The following POU2F1 variants were observed in gnomAD, a reference collection of about 807,000 sequenced individuals.
POU2F1 encodes POU domain, class 2, transcription factor 1.
In POU2F1, 16 loss-of-function variants were observed where a neutral mutation model predicts 84.9. The ratio of observed to expected loss-of-function variants is 0.19; its 90% confidence interval spans 0.13 to 0.29. POU2F1 has a LOEUF of 0.29. POU2F1 is among the 10% of genes least tolerant of loss of function. POU2F1 has a pLI of 1.00. For synonymous variants in POU2F1, 368 were observed against 368.3 expected, an observed-to-expected ratio of 1.00 and a Z score of 0.01; for missense variants, 738 against 942.6, an observed-to-expected ratio of 0.78 and a Z score of 2.84.
At chr1:167,385,639 A>G (rs1647918777) in intron 8 of POU2F1, among the ~76,000 whole-genome samples, 2 of 152,208 alleles carry the variant, frequency 1.3e-5, no homozygotes, top group Non-Finnish European at 2.9e-5. Flanking sequence ...ATTTCACACC[A>G]TGTACAAAGA....
chr1:167,271,155 T>G (rs1284940672), intron 1 of POU2F1, among the ~76,000 whole-genome samples: 1 of 152,216 alleles, frequency 6.6e-6, no homozygotes, highest in East Asian at 1.9e-4. Context: ...CTTAAAACAT[T>G]TTCGGTTATT....
chr1:167,343,578 G>T (rs1168099470), intron 2 of POU2F1, among the ~76,000 whole-genome samples: 4 of 141,994 alleles, frequency 2.8e-5, no homozygotes. Flanking sequence ...CTTTCAATTA[G>T]ATCCATTATA....
At chr1:167,242,420 A>G (rs1649979267) in intron 1 of POU2F1, among the ~76,000 whole-genome samples, 1 of 152,244 alleles carries the variant, frequency 6.6e-6, no homozygotes, top group South Asian at 2.1e-4. Context: ...GCAAAGCTAT[A>G]AAAGCTGGTA....
chr1:167,378,107 T>G (rs1660450879), intron 7 of POU2F1, among the ~76,000 whole-genome samples: 1 of 152,250 alleles, frequency 6.6e-6, no homozygotes, highest in Admixed American at 6.5e-5. Flanking sequence ...TTCTAAGTTC[T>G]TTGAGAAATC....
intron 1 of POU2F1, among the ~76,000 whole-genome samples, chr1:167,308,680 A>G (rs1211192317): frequency 6.6e-6 from 1 of 151,982 alleles, no homozygotes; most frequent in Non-Finnish European, 1.5e-5. Context: ...TGCATGCCAC[A>G]ACACCTGGCT....
chr1:167,375,386 A>G (rs1474725573), intron 6 of POU2F1, among the ~76,000 whole-genome samples: 1 of 152,252 alleles, frequency 6.6e-6, no homozygotes, highest in African/African-American at 2.4e-5. Flanking sequence ...GAGACCCTAT[A>G]TTAACATTAG....
chr1:167,407,048 T>C (rs1315362214), intron 13 of POU2F1, among the ~76,000 whole-genome samples: 9 of 151,354 alleles, frequency 5.9e-5, no homozygotes, highest in African/African-American at 2.2e-4. Flanking sequence ...TTTATTATTA[T>C]TATTATTTGT....
At position 167,418,585 on chromosome 1, in the gene POU2F1, A is replaced by G. The variant is rs1650450777; in HGVS notation, c.*2775A>G. Reference sequence around the variant, plus strand: ...CATTAATTTCTCAAAATTGCTACCAAAGGAAGTGTGGAGTCCCAAGGGACT... The same window carrying G: ...CATTAATTTCTCAAAATTGCTACCAGAGGAAGTGTGGAGTCCCAAGGGACT... On this transcript the variant is annotated 3_prime_UTR_variant, in exon 16 of 16. Coordinates refer to ENST00000367866, the MANE Select transcript of POU2F1 (RefSeq NM_002697.4). The G allele has an allele frequency of 6.6e-6, 1 of 152,186 alleles. No individual in the cohort carries two copies. The highest frequency in any genetic ancestry group is 1.5e-5 in the Non-Finnish European group (1 of 68,024). The allele number at this position is 152,186 out of a possible 1,614,324, so 9.4% of individuals were successfully genotyped here.
At chr1:167,274,020 T>G (rs1557861525) in intron 1 of POU2F1, among the ~76,000 whole-genome samples, 1 of 152,254 alleles carries the variant, frequency 6.6e-6, no homozygotes, top group Non-Finnish European at 1.5e-5. Flanking sequence ...AGCAAACTCT[T>G]GATTTATTCT....
intron 1 of POU2F1, among the ~76,000 whole-genome samples, chr1:167,304,958 GGCCT>G (rs1397524965): frequency 6.6e-6 from 1 of 152,134 alleles, no homozygotes; most frequent in African/African-American, 2.4e-5. Context: ...ACATCTGACT[GGCCT>G]GGGGGTAAAT....
At chr1:167,321,269 G>A (rs1211582780) in intron 1 of POU2F1, among the ~76,000 whole-genome samples, 1 of 152,132 alleles carries the variant, frequency 6.6e-6, no homozygotes, top group African/African-American at 2.4e-5. Context: ...AACATGCCTT[G>A]TGGCAACACT....
intron 1 of POU2F1, among the ~76,000 whole-genome samples, chr1:167,236,674 A>T (rs555502657): frequency 6.6e-6 from 1 of 152,254 alleles, no homozygotes; most frequent in South Asian, 2.1e-4. Flanking sequence ...TCTACCTGTT[A>T]GTCACATGCT....
At chr1:167,237,418 C>G (rs990060636) in intron 1 of POU2F1, among the ~76,000 whole-genome samples, 2 of 152,032 alleles carry the variant, frequency 1.3e-5, no homozygotes, top group Non-Finnish European at 2.9e-5. Context: ...CCCTGTTGGT[C>G]TTGTTTGTTG....
chr1:167,385,384 G>T (rs1040901468), intron 8 of POU2F1, among the ~76,000 whole-genome samples: 1 of 152,030 alleles, frequency 6.6e-6, no homozygotes, highest in Non-Finnish European at 1.5e-5. Flanking sequence ...AAACGATTTT[G>T]AGAAGAAAAT....
chr1:167,325,814 AGAAG>A (rs1276791368), intron 1 of POU2F1, among the ~76,000 whole-genome samples: 2 of 151,696 alleles, frequency 1.3e-5, no homozygotes, highest in African/African-American at 4.8e-5. Flanking sequence ...GCTTGAAACT[AGAAG>A]GCAGAGGTTG....
rs1034632495 is a variant in POU2F1 at position 167,421,336 on chromosome 1, C to G, written c.*5526C>G. The G allele has an allele frequency of 6.6e-6, 1 of 152,206 alleles. No individual in the cohort carries two copies. Among genetic ancestry groups the G allele is most frequent in the African/African-American group, 2.4e-5 (1 of 41,452 alleles). The allele number at this position is 152,206 out of a possible 1,614,324, so 9.4% of individuals were successfully genotyped here. A position where few individuals can be genotyped will look rare whatever the true frequency, so the allele number is the denominator to read the frequency against. On this transcript the variant is annotated 3_prime_UTR_variant, in exon 16 of 16. Transcript: ENST00000367866. ...AATTGCTTTCATCATAAAGGCCAATCATCCATTTCTTAGTCCAAGGAGATT... is the reference window on the plus strand; with the variant it reads ...AATTGCTTTCATCATAAAGGCCAATGATCCATTTCTTAGTCCAAGGAGATT...
chr1:167,252,052 G>A (rs1040570006), intron 1 of POU2F1, among the ~76,000 whole-genome samples: 8 of 151,336 alleles, frequency 5.3e-5, no homozygotes, highest in African/African-American at 1.9e-4. Flanking sequence ...AGTAGAGACC[G>A]GGTTTCACCA....
At chr1:167,321,813 C>G (rs1656330618) in intron 1 of POU2F1, among the ~76,000 whole-genome samples, 1 of 152,162 alleles carries the variant, frequency 6.6e-6, no homozygotes, top group Admixed American at 6.5e-5. Context: ...ATACCAGGGA[C>G]ATACCCCATT....
chr1:167,415,427 T>A, intron 15 of POU2F1, 73 bp from the exon 16 acceptor site: 1 of 1,463,720 alleles, frequency 6.8e-7, no homozygotes, highest in Admixed American at 1.9e-5. Flanking sequence ...AGACTTTTGA[T>A]GTGTTATTTG....
Sources: allele counts gnomAD v4.1 joint callset (sites outside exome capture counted in the v4.1 genomes callset), GRCh38; gene constraint gnomAD v4.1.1; transcripts MANE v1.5; gene names NCBI Gene and HGNC (gene_info 2026-07-23, HGNC 2026-07-21).